Variants in FHAD1 observed in about 807,000 individuals in gnomAD.
FHAD1 encodes forkhead-associated domain-containing protein 1.
In FHAD1, 146 loss-of-function variants were observed where a neutral mutation model predicts 191.3. That is an observed-to-expected ratio of 0.76 (90% confidence interval 0.67 to 0.88). The LOEUF (loss-of-function observed/expected upper bound fraction) is 0.88, where lower values mean the gene tolerates loss of function less well. FHAD1 is among the 40% of genes least tolerant of loss of function. The probability of loss-of-function intolerance (pLI) is 0.00; values close to 1 mark genes in which losing one functional copy is unlikely to be tolerated. For missense variants in FHAD1, 1,635 were observed against 1,785.8 expected (o/e 0.92, Z 1.52); for synonymous variants, 616 against 672.3 (o/e 0.92, Z 1.29).
Position 15,381,815 on chromosome 1 carries a change from A to T in FHAD1, c.4023-213A>T, listed in dbSNP as rs973940767. ...GGAAGTCAGGAGGGGCTGGTAGCAC[A>T]TCCTTTATCCCCTCCCGCTACACAC... is the stretch of plus-strand genomic sequence containing the variant. On this transcript the variant is annotated intron_variant, in intron 30 of 33. Transcript: ENST00000688493. The surrounding 1 kb of genome is among the most constrained non-coding windows in gnomAD (Gnocchi z 4.6). 6.6e-6 allele frequency among the ~76,000 whole-genome samples: 1 copy of T among 151,802 alleles called. No individual in the cohort carries two copies. Among genetic ancestry groups the T allele is most frequent in the African/African-American group, 2.4e-5 (1 of 41,330 alleles).
chr1:15,301,058 G>A, intron 5 of FHAD1, 147 bp from the exon 6 acceptor site: 1 of 631,430 alleles, frequency 1.6e-6, no homozygotes. Context: ...TCGAACTCCT[G>A]ACCTCAGGCG....
chr1:15,240,965 AAAAAAAAAAAAG>A lies in FHAD1; in HGVS notation c.-15+4208_-15+4219del, dbSNP rs1321634964. ...GAGCGAGACTCTATCTCAAAAAAAAAAAAAAAAAAAAGAAAGAAAGAAAGAAAGCAGATGCAG... is the reference window on the plus strand; with the variant it reads ...GAGCGAGACTCTATCTCAAAAAAAAAAAAGAAAGAAAGAAAGCAGATGCAG... On this transcript the variant is annotated intron_variant, in intron 1 of 33. Transcript: ENST00000683790. Among the ~76,000 whole-genome samples the A allele has an allele frequency of 3.7e-4, 56 of 151,000 alleles. No individual in the cohort carries two copies. The East Asian group carries it at 9.5e-3, about 26-fold the overall frequency.
At chr1:15,308,055 G>A (rs933569836) in intron 6 of FHAD1, among the ~76,000 whole-genome samples, 6 of 152,202 alleles carry the variant, frequency 3.9e-5, no homozygotes, top group Admixed American at 6.5e-5. Context: ...TCCCAGTCTC[G>A]GGTATGTCTT....
intron 6 of FHAD1, chr1:15,305,777 G>A (rs544665618): frequency 1.5e-4 from 68 of 446,612 alleles, no homozygotes; most frequent in Non-Finnish European, 2.1e-4. Context: ...AGTGCTTTTC[G>A]CCTCCCACCA....
chr1:15,316,808 C>G lies in FHAD1; in HGVS notation c.1260+341C>G, dbSNP rs1674607967. Among the ~76,000 whole-genome samples, 1 of 152,246 alleles carries G rather than the reference C, an allele frequency of 6.6e-6. No individual in the cohort carries two copies. The highest frequency in any genetic ancestry group is 6.5e-5 in the Admixed American group (1 of 15,290). ...CTGTGACTCCCAAACATGTATTCCA[C>G]TGTCCCAAGTTTTATCCTAGCCACA... On this transcript the variant is annotated intron_variant, in intron 9 of 33. Coordinates refer to ENST00000688493, the MANE Select transcript of FHAD1 (RefSeq NM_001391957.1). The surrounding 1 kb of genome is among the most constrained non-coding windows in gnomAD (Gnocchi z 4.3).
At chr1:15,345,043 T>C in intron 16 of FHAD1, 40 bp from the exon 17 acceptor site, 1 of 1,494,686 alleles carries the variant, frequency 6.7e-7, no homozygotes, top group Non-Finnish European at 9.1e-7. Flanking sequence ...ATTCCTGCCA[T>C]GGTAACCATG....
At chr1:15,339,350 T>C in intron 14 of FHAD1, 131 bp from the exon 15 acceptor site, 1 of 383,620 alleles carries the variant, frequency 2.6e-6, no homozygotes, top group Non-Finnish European at 5.0e-6. Flanking sequence ...GCTTATCAAC[T>C]ACTTTAAAAC....
chr1:15,358,942 CGGGAGCTGG>C (rs138975102), intron 21 of FHAD1, among the ~76,000 whole-genome samples: 2,761 of 152,058 alleles, frequency 0.018, 89 homozygotes, highest in African/African-American at 0.063. Context: ...CTGACCTTGG[CGGGAGCTGG>C]GGGAGGCGTG....
At chr1:15,280,834 G>C (rs561245891) in intron 3 of FHAD1, among the ~76,000 whole-genome samples, 33 of 152,230 alleles carry the variant, frequency 2.2e-4, no homozygotes, top group Admixed American at 2.1e-3. Context: ...AGAACTTAAA[G>C]GAAAAGGAAA....
chr1:15,278,536 C>G (rs1390792965), intron 3 of FHAD1, among the ~76,000 whole-genome samples: 1 of 137,974 alleles, frequency 7.2e-6, no homozygotes, highest in Non-Finnish European at 1.5e-5. Flanking sequence ...TGCAGTGGCA[C>G]GATCTCAGTT....
At chr1:15,376,798 G>A (rs1310873918) in intron 28 of FHAD1, among the ~76,000 whole-genome samples, 1 of 152,220 alleles carries the variant, frequency 6.6e-6, no homozygotes. Context: ...CACTTTGTGA[G>A]GCCAAGAGAA....
chr1:15,369,282 T>C, intron 25 of FHAD1, 88 bp from the exon 26 acceptor site: 1 of 1,362,582 alleles, frequency 7.3e-7, no homozygotes, highest in Non-Finnish European at 1.0e-6. Context: ...CCTATAAAAA[T>C]AGAGCTCCAT....
intron 28 of FHAD1, among the ~76,000 whole-genome samples, chr1:15,378,857 A>G (rs1195161102): frequency 1.3e-5 from 2 of 151,988 alleles, no homozygotes; most frequent in East Asian, 1.9e-4. Flanking sequence ...TTAAAACCCA[A>G]TTTAGTTGTG....
chr1:15,308,699 G>C lies in FHAD1; in HGVS notation c.1002G>C (p.Glu334Asp), dbSNP rs977003394. Reference protein sequence around the residue: ...RNSEITSLKNEGENLKRDNAI... With the variant: ...RNSEITSLKNDGENLKRDNAI... The stretch of plus-strand genomic sequence containing the variant: ...CAGAAATCACATCCCTGAAGAATGA[G>C]GGCGAGAACTTAAAGAGAGACAACG... The change falls in exon 7 of 34, where the codon GAG becomes GAC. Residue 334 changes from glutamate (E) to aspartate (D), a missense_variant. Glu to Asp is a conservative substitution (Grantham distance 45). Coordinates refer to ENST00000688493, the MANE Select transcript of FHAD1 (RefSeq NM_001391957.1). The C allele has an allele frequency of 6.4e-7, 1 of 1,551,612 alleles. No individual in the cohort carries two copies. Among genetic ancestry groups the C allele is most frequent in the Non-Finnish European group, 8.7e-7 (1 of 1,147,016 alleles).
At chr1:15,380,632 T>C in intron 28 of FHAD1, 69 bp from the exon 29 acceptor site, 4 of 1,267,086 alleles carry the variant, frequency 3.2e-6, no homozygotes, top group Non-Finnish European at 3.4e-6. Context: ...CACACAGTGC[T>C]TTAGCTTCCA....
chr1:15,243,517 G>C (rs1352969688), upstream of FHAD1, among the ~76,000 whole-genome samples: 1 of 152,240 alleles, frequency 6.6e-6, no homozygotes, highest in Non-Finnish European at 1.5e-5. Flanking sequence ...TTTCATGTTG[G>C]AATGCAAGGG....
At position 15,311,114 on chromosome 1, in the gene FHAD1, G is replaced by C. The variant is rs1672143499; in HGVS notation, c.1040-1943G>C. 1.3e-5 allele frequency among the ~76,000 whole-genome samples: 2 copies of C among 152,218 alleles called. No homozygotes were observed. The highest frequency in any genetic ancestry group is 4.8e-5 in the African/African-American group (2 of 41,452). On this transcript the variant is annotated intron_variant, in intron 7 of 33. Transcript: ENST00000688493. The surrounding 1 kb of genome is among the most constrained non-coding windows in gnomAD (Gnocchi z 4.1). ...CGATTGCCCCCGGCTGGCTTGCGCT[G>C]GAGAGAGTTTCCAGACCACAGCAGG...
intron 1 of FHAD1, among the ~76,000 whole-genome samples, chr1:15,238,462 C>G (rs1447458366): frequency 1.3e-5 from 2 of 152,142 alleles, no homozygotes; most frequent in African/African-American, 4.8e-5. Context: ...TCAGGGCCAC[C>G]AAGGCCTTCT....
At chr1:15,248,466 C>T (rs188802598) in intron 1 of FHAD1, among the ~76,000 whole-genome samples, 5 of 152,224 alleles carry the variant, frequency 3.3e-5, no homozygotes, top group Admixed American at 1.3e-4. Context: ...CAGGTGGATG[C>T]TGTGCACACT....
Sources: allele counts gnomAD v4.1 joint callset (sites outside exome capture counted in the v4.1 genomes callset), GRCh38; gene constraint gnomAD v4.1.1; non-coding constraint Gnocchi (gnomAD v3.1); transcripts MANE v1.5; gene names NCBI Gene and HGNC (gene_info 2026-07-23, HGNC 2026-07-21).